LDAH: variants seen among roughly 807,000 people sequenced by gnomAD.
LDAH encodes the protein lipid droplet-associated hydrolase.
LDAH carries 26 observed loss-of-function variants against 29.6 expected under a neutral mutation model. The observed-to-expected ratio is 0.88, with a 90% CI of 0.64 to 1.22. The LOEUF is 1.22. Ranked by LOEUF, LDAH falls within the 50% of genes most tolerant of loss-of-function variation. The probability of loss-of-function intolerance (pLI) is 0.00; values close to 1 mark genes in which losing one functional copy is unlikely to be tolerated. For synonymous variants in LDAH, 117 were observed against 133.0 expected, an observed-to-expected ratio of 0.88 and a Z score of 0.83; for missense variants, 344 against 387.3, an observed-to-expected ratio of 0.89 and a Z score of 0.94.
chr2:20,711,895 G>A (rs1333867981), intron 5 of LDAH, among the ~76,000 whole-genome samples: 2 of 152,238 alleles, frequency 1.3e-5, no homozygotes, highest in East Asian at 1.9e-4. Context: ...AGCTCAAACA[G>A]GGCAGAGCCC....
chr2:20,791,572 G>A (rs1670952588), intron 2 of LDAH, among the ~76,000 whole-genome samples: 1 of 152,126 alleles, frequency 6.6e-6, no homozygotes, highest in Non-Finnish European at 1.5e-5. Context: ...GGTGCTTTTG[G>A]CTTCTTTGTC....
chr2:20,717,241 T>C (rs974625733), intron 5 of LDAH, among the ~76,000 whole-genome samples: 1 of 152,148 alleles, frequency 6.6e-6, no homozygotes, highest in South Asian at 2.1e-4. Context: ...CCACAAAAGA[T>C]TGTTAAATTA....
chr2:20,693,643 C>A, intron 6 of LDAH, among the ~76,000 whole-genome samples: 1 of 152,232 alleles, frequency 6.6e-6, no homozygotes, highest in East Asian at 1.9e-4. Context: ...ATAAAGGAGA[C>A]CTGGAGCCTA....
At chr2:20,787,805 C>T (rs1670658208) in intron 3 of LDAH, among the ~76,000 whole-genome samples, 1 of 152,046 alleles carries the variant, frequency 6.6e-6, no homozygotes, top group Admixed American at 6.5e-5. Context: ...AACTATTTCA[C>T]TAACATTTAA....
intron 2 of LDAH, among the ~76,000 whole-genome samples, chr2:20,790,914 T>C (rs1670901828): frequency 6.6e-6 from 1 of 152,196 alleles, no homozygotes; most frequent in Non-Finnish European, 1.5e-5. Flanking sequence ...ATAAACGATC[T>C]TTTTAAAAAC....
chr2:20,685,353 C>G lies in LDAH; in HGVS notation c.*1550G>C. ...GCCATGATTCCTAGCTTCTAACATCCGATTTCTAGGCCTCTCATGCAGATG... is the reference window on the plus strand; with the variant it reads ...GCCATGATTCCTAGCTTCTAACATCGGATTTCTAGGCCTCTCATGCAGATG... On this transcript the variant is annotated 3_prime_UTR_variant, in exon 7 of 7. Transcript: ENST00000237822. 1.5e-6 allele frequency: 1 copy of G among 656,234 alleles called. No individual in the cohort carries two copies. The highest frequency in any genetic ancestry group is 2.5e-5 in the South Asian group (1 of 39,486). The allele number at this position is 656,234 out of a possible 1,614,324, so 40.7% of individuals were successfully genotyped here.
intron 5 of LDAH, among the ~76,000 whole-genome samples, chr2:20,729,357 A>G (rs1350632173): frequency 6.6e-6 from 1 of 152,230 alleles, no homozygotes; most frequent in Non-Finnish European, 1.5e-5. Flanking sequence ...GTGACATATT[A>G]TGTATTTAGT....
chr2:20,728,591 G>A (rs1056064553), intron 5 of LDAH, among the ~76,000 whole-genome samples: 1 of 152,152 alleles, frequency 6.6e-6, no homozygotes, highest in South Asian at 2.1e-4. Context: ...AATCACCATA[G>A]TGATGGTAAG....
chr2:20,711,009 A>C (rs1427112982), intron 5 of LDAH, among the ~76,000 whole-genome samples: 1 of 152,072 alleles, frequency 6.6e-6, no homozygotes, highest in African/African-American at 2.4e-5. Context: ...GGTTGGTTGC[A>C]GAAAGGAAGT....
At chr2:20,766,696 T>TCTTCTGCCTCTTTCTGTGA (rs1369787017) in intron 4 of LDAH, among the ~76,000 whole-genome samples, 1 of 152,228 alleles carries the variant, frequency 6.6e-6, no homozygotes, top group Non-Finnish European at 1.5e-5. Flanking sequence ...AATTATTATA[T>TCTTCTGCCTCTTTCTGTGA]CTTCTGCCTC....
chr2:20,734,509 A>T (rs1357725970), intron 5 of LDAH, among the ~76,000 whole-genome samples: 3 of 152,180 alleles, frequency 2.0e-5, no homozygotes, highest in African/African-American at 4.8e-5. Flanking sequence ...TACTATGTAC[A>T]TATGGTTACA....
At chr2:20,768,702 C>T (rs1305134829) in intron 4 of LDAH, among the ~76,000 whole-genome samples, 1 of 152,186 alleles carries the variant, frequency 6.6e-6, no homozygotes, top group Non-Finnish European at 1.5e-5. Flanking sequence ...ACAGCAACAC[C>T]CCAAAGATCC....
intron 5 of LDAH, among the ~76,000 whole-genome samples, chr2:20,737,910 C>T (rs1666903583): frequency 6.6e-6 from 1 of 151,996 alleles, no homozygotes; most frequent in Non-Finnish European, 1.5e-5. Context: ...TCCAGATATC[C>T]TGATATCTGG....
chr2:20,782,063 T>G (rs1311298503), intron 3 of LDAH, among the ~76,000 whole-genome samples: 1 of 152,204 alleles, frequency 6.6e-6, no homozygotes, highest in Admixed American at 6.5e-5. Context: ...GTTTTCCGTA[T>G]CAGTGTTTAT....
At chr2:20,711,907 C>G (rs1040596578) in intron 5 of LDAH, among the ~76,000 whole-genome samples, 1 of 152,254 alleles carries the variant, frequency 6.6e-6, no homozygotes, top group Non-Finnish European at 1.5e-5. Context: ...GCAGAGCCCA[C>G]TGCAGCACCA....
At chr2:20,689,202 T>C (rs1199956079) in intron 6 of LDAH, among the ~76,000 whole-genome samples, 1 of 152,194 alleles carries the variant, frequency 6.6e-6, no homozygotes, top group Non-Finnish European at 1.5e-5. Context: ...TATTCCAGCT[T>C]CATGGAGGTT....
chr2:20,785,228 T>C (rs1670468339), intron 3 of LDAH, among the ~76,000 whole-genome samples: 1 of 152,228 alleles, frequency 6.6e-6, no homozygotes, highest in Non-Finnish European at 1.5e-5. Flanking sequence ...ATTTCTTGCA[T>C]AGGATGTTTC....
chr2:20,724,205 A>C (rs1445963603), intron 5 of LDAH, among the ~76,000 whole-genome samples: 1 of 152,188 alleles, frequency 6.6e-6, no homozygotes, highest in African/African-American at 2.4e-5. Context: ...CTCACCTTCA[A>C]GTCCAAATTC....
intron 2 of LDAH, among the ~76,000 whole-genome samples, chr2:20,792,887 T>C (rs1671069983): frequency 6.6e-6 from 1 of 152,144 alleles, no homozygotes; most frequent in Admixed American, 6.6e-5. Context: ...ACGTGCACAT[T>C]CTGCACATGT....
Sources: gnomAD v4.1 joint callset for allele counts (sites outside exome capture counted in the v4.1 genomes callset) on GRCh38, gnomAD v4.1.1 for gene constraint, MANE v1.5 for transcripts, NCBI Gene and HGNC (gene_info 2026-07-23, HGNC 2026-07-21) for gene names.